HIP1: variants seen among roughly 807,000 people sequenced by gnomAD.
HIP1 encodes the protein huntingtin-interacting protein 1.
Under a neutral mutation model 147.6 loss-of-function variants are expected in HIP1, and 65 were observed. The observed-to-expected ratio is 0.44, with a 90% CI of 0.36 to 0.54. The LOEUF (loss-of-function observed/expected upper bound fraction) is 0.54, where lower values mean the gene tolerates loss of function less well. Ranked by LOEUF, HIP1 falls within the 20% of genes least tolerant of loss-of-function variation. The pLI is 0.00. For missense variants in HIP1, 1,061 were observed against 1,299.6 expected (o/e 0.82, Z 2.82); for synonymous variants, 479 against 504.0 (o/e 0.95, Z 0.67).
chr7:75,712,801 TTCAC>T (rs1194431636), intron 1 of HIP1, among the ~76,000 whole-genome samples: 1 of 152,094 alleles, frequency 6.6e-6, no homozygotes, highest in African/African-American at 2.4e-5. Context: ...CACTCATTCA[TTCAC>T]TCACTCATTT....
rs1800870954 is a variant in HIP1 at position 75,702,585 on chromosome 7, T to C, written c.120+36216A>G. 2.0e-5 allele frequency among the ~76,000 whole-genome samples: 3 copies of C among 152,322 alleles called. No individual in the cohort carries two copies. In the South Asian group the frequency reaches 6.2e-4, roughly 32 times the overall value. On this transcript the variant is annotated intron_variant, in intron 1 of 30. Coordinates refer to ENST00000336926, the MANE Select transcript of HIP1 (RefSeq NM_005338.7). ...AAAGAAAAGTGGTTTATTTGGCTTA[T>C]GGCACTGCAGGTTGCACAAGAAGCA...
At chr7:75,738,778 G>A (rs894369979) in intron 1 of HIP1, 23 bp downstream of exon 1, 1 of 1,596,342 alleles carries the variant, frequency 6.3e-7, no homozygotes. Context: ...CCCCAGGGAT[G>A]CCCCGGGGTC....
chr7:75,562,275 G>A (rs1034963474), intron 11 of HIP1, 105 bp from the exon 12 acceptor site: 4 of 751,920 alleles, frequency 5.3e-6, no homozygotes, highest in South Asian at 3.1e-5. Flanking sequence ...CGAATTAAAC[G>A]GTTCAGACCT....
chr7:75,568,108 G>A lies in HIP1; in HGVS notation c.803+91C>T. 1 of 941,032 alleles carries A rather than the reference G, an allele frequency of 1.1e-6. No individual in the cohort carries two copies. Among genetic ancestry groups the A allele is most frequent in the Non-Finnish European group, 1.7e-6 (1 of 572,088 alleles). The allele number at this position is 941,032 out of a possible 1,614,324, so 58.3% of individuals were successfully genotyped here. A position where few individuals can be genotyped will look rare whatever the true frequency, so the allele number is the denominator to read the frequency against. ...TGGGGTTACAGGCATGAACCACTGT[G>A]TCCAGCCACCTCTCACAGTGCACTT... is the stretch of plus-strand genomic sequence containing the variant. On this transcript the variant is annotated intron_variant, in intron 9 of 30. Transcript: ENST00000336926. The surrounding 1 kb of genome is among the most constrained non-coding windows in gnomAD (Gnocchi z 4.1).
At chr7:75,559,985 G>A in intron 13 of HIP1, 70 bp from the exon 14 acceptor site, 7 of 1,415,224 alleles carry the variant, frequency 4.9e-6, no homozygotes, top group Middle Eastern at 2.5e-4. Context: ...CCGGAGAAGC[G>A]GGTCCTACCA....
intron 1 of HIP1, among the ~76,000 whole-genome samples, chr7:75,649,536 G>GCCAGCTGCGGTTCTTCACC (rs1798907226): frequency 6.6e-6 from 1 of 152,052 alleles, no homozygotes; most frequent in African/African-American, 2.4e-5. Flanking sequence ...GGTTGTTATT[G>GCCAGCTGCGGTTCTTCACC]CCAGCTGCGG....
chr7:75,691,908 T>G (rs1554518188), intron 1 of HIP1, among the ~76,000 whole-genome samples: 1 of 151,916 alleles, frequency 6.6e-6, no homozygotes, highest in African/African-American at 2.4e-5. Flanking sequence ...GACTGTGTGA[T>G]GGGCACTATG....
At chr7:75,680,368 AC>A (rs1441336570) in intron 1 of HIP1, among the ~76,000 whole-genome samples, 4 of 151,356 alleles carry the variant, frequency 2.6e-5, no homozygotes, top group Admixed American at 2.0e-4. Flanking sequence ...AAATATCTCC[AC>A]CCATTTCTCT....
At chr7:75,560,067 T>C (rs1423240052) in intron 13 of HIP1, 152 bp from the exon 14 acceptor site, 2 of 705,136 alleles carry the variant, frequency 2.8e-6, no homozygotes, top group African/African-American at 3.6e-5. Flanking sequence ...CATCTGGTCA[T>C]TAGGAGCCCC....
At position 75,556,126 on chromosome 7, in the gene HIP1, T is replaced by A; in HGVS notation, c.1727A>T (p.Glu576Val). The change falls in exon 18 of 31, where the codon GAG becomes GTG. Residue 576 changes from glutamate to valine, a missense_variant. Transcript: ENST00000336926. ...TGCGCCACTCACCAGGCTGTCCCGC[T>A]CCTTCTCTAGCTCGGCGAACTCGGC... is the stretch of plus-strand genomic sequence containing the variant. ...WAAEFAELEKERDSLVSGAAH... is the reference protein window; with the variant it reads ...WAAEFAELEKVRDSLVSGAAH... 3 of 1,614,134 alleles carry A rather than the reference T, an allele frequency of 1.9e-6. No individual in the cohort carries two copies. The highest frequency in any genetic ancestry group is 2.5e-6 in the Non-Finnish European group (3 of 1,180,032).
At chr7:75,632,052 C>T (rs1554509017) in intron 1 of HIP1, among the ~76,000 whole-genome samples, 1 of 152,180 alleles carries the variant, frequency 6.6e-6, no homozygotes, top group African/African-American at 2.4e-5. Context: ...CCTCCGAAGA[C>T]AGGTGCTCGT....
rs79298231 is a variant in HIP1, at chr7:75,533,765, C to T, written c.*4407G>A. 4.7e-3 allele frequency: 1,090 copies of T among 232,886 alleles called. 17 individuals carry two copies. The highest frequency in any genetic ancestry group is 0.023 in the African/African-American group (1,039 of 45,426). 14.4% of individuals were successfully genotyped at this position (232,886 alleles called of 1,614,324 possible). On this transcript the variant is annotated 3_prime_UTR_variant, in exon 31 of 31. Coordinates refer to ENST00000336926, the MANE Select transcript of HIP1 (RefSeq NM_005338.7). Reference sequence around the variant, plus strand: ...GTTGCTTTGGCTCCTGACAACACCACGGTGTGGTGCTGATCTTGTATTTGG... The same window carrying T: ...GTTGCTTTGGCTCCTGACAACACCATGGTGTGGTGCTGATCTTGTATTTGG...
At chr7:75,555,347 G>A (rs1350367453) in intron 19 of HIP1, 69 bp downstream of exon 19, 4 of 1,583,012 alleles carry the variant, frequency 2.5e-6, no homozygotes, top group Non-Finnish European at 3.5e-6. Flanking sequence ...TCTCACATGA[G>A]ATTCAACATC....
rs1800271761 is a variant in HIP1 at position 75,686,684 on chromosome 7, C to T, written c.120+52117G>A. Among the ~76,000 whole-genome samples, 5 of 151,668 alleles carry T rather than the reference C, an allele frequency of 3.3e-5. No homozygotes were observed. In the South Asian group the frequency reaches 1.0e-3, roughly 32 times the overall value. On this transcript the variant is annotated intron_variant, in intron 1 of 30. Transcript: ENST00000336926. Reference sequence around the variant, plus strand: ...TTTTTGTTGTTGTTTGTTTTTGAGACAGAGTTTCACTCTTTTGTCCAGGCT... The same window carrying T: ...TTTTTGTTGTTGTTTGTTTTTGAGATAGAGTTTCACTCTTTTGTCCAGGCT...
chr7:75,596,860 GCC>G (rs1283219627), intron 2 of HIP1, among the ~76,000 whole-genome samples: 4 of 152,184 alleles, frequency 2.6e-5, no homozygotes, highest in Non-Finnish European at 4.4e-5. Flanking sequence ...ACCTGACCCT[GCC>G]GCTGCAGGCC....
At chr7:75,669,151 G>T (rs925947619) in intron 1 of HIP1, among the ~76,000 whole-genome samples, 5 of 152,066 alleles carry the variant, frequency 3.3e-5, no homozygotes, top group African/African-American at 1.2e-4. Context: ...GGATCACGAG[G>T]TCAGGAGATC....
chr7:75,583,978 C>T (rs1444723448), intron 5 of HIP1, among the ~76,000 whole-genome samples: 2 of 149,044 alleles, frequency 1.3e-5, no homozygotes, highest in African/African-American at 5.0e-5. Context: ...TTGTTGTTTT[C>T]GAGACGGAGT....
At chr7:75,736,921 C>A (rs1334238482) in intron 1 of HIP1, among the ~76,000 whole-genome samples, 2 of 150,970 alleles carry the variant, frequency 1.3e-5, no homozygotes, top group Non-Finnish European at 2.9e-5. Flanking sequence ...GGTTTTCTTT[C>A]TTTTTTTCAC....
chr7:75,711,818 T>A (rs1171738587), intron 1 of HIP1, among the ~76,000 whole-genome samples: 19 of 152,120 alleles, frequency 1.2e-4, no homozygotes, highest in African/African-American at 4.6e-4. Context: ...CCTTATCACC[T>A]GCTGCTTGTC....
Sources: gnomAD v4.1 joint callset for allele counts (sites outside exome capture counted in the v4.1 genomes callset) on GRCh38, gnomAD v4.1.1 for gene constraint, Gnocchi (gnomAD v3.1) non-coding constraint, MANE v1.5 for transcripts, NCBI Gene and HGNC (gene_info 2026-07-23, HGNC 2026-07-21) for gene names.